AKR1C3: variants seen among roughly 807,000 people sequenced by gnomAD.
AKR1C3 encodes the protein aldo-keto reductase family 1 member C3, also known as 3-alpha hydroxysteroid dehydrogenase, type II.
A neutral mutation model predicts 43.6 loss-of-function variants in AKR1C3; 48 were observed. The ratio of observed to expected loss-of-function variants is 1.10; its 90% CI spans 0.87 to 1.40. The LOEUF is 1.40. Ranked by LOEUF, AKR1C3 falls within the 40% of genes most tolerant of loss-of-function variation. The probability of loss-of-function intolerance (pLI) is 0.00; values close to 1 mark genes in which losing one functional copy is unlikely to be tolerated. For synonymous variants in AKR1C3, 162 were observed against 139.6 expected, an observed-to-expected ratio of 1.16 and a Z score of -1.13; for missense variants, 482 against 391.2, an observed-to-expected ratio of 1.23 and a Z score of -1.96.
At position 5,102,637 on chromosome 10, in the gene AKR1C3, G is replaced by A. The variant is rs549398696; in HGVS notation, c.833G>A (p.Arg278Lys). 5.4e-6 allele frequency: 8 copies of A among 1,476,058 alleles called. No individual in the cohort carries two copies. Among genetic ancestry groups the A allele is most frequent in the Non-Finnish European group, 7.2e-6 (8 of 1,112,490 alleles). The allele number at this position is 1,476,058 out of a possible 1,614,324, so 91.4% of individuals were successfully genotyped here. A position where few individuals can be genotyped will look rare whatever the true frequency, so the allele number is the denominator to read the frequency against. The change falls in exon 7 of 9, where the codon AGA (arginine) becomes AAA (lysine). Residue 278 changes from arginine to lysine, a missense_variant. Physicochemically the swap from Arg to Lys is conservative, Grantham distance 26. Coordinates refer to ENST00000380554, the MANE Select transcript of AKR1C3 (RefSeq NM_003739.6). ...AAGAGCTACAATGAGCAGCGCATCAGACAGAACGTGCAGGTGAGGAGCGGG... is the reference window on the plus strand; with the variant it reads ...AAGAGCTACAATGAGCAGCGCATCAAACAGAACGTGCAGGTGAGGAGCGGG... ...LAKSYNEQRI[R>K]QNVQVFEFQL...
intron 1 of AKR1C3, chr10:5,077,647 A>C (rs965978291): frequency 1.1e-4 from 122 of 1,062,784 alleles, no homozygotes; most frequent in Non-Finnish European, 3.9e-5. Context: ...GTTTTTGCTG[A>C]ACATTCCCCT....
At chr10:5,091,032 T>C (rs1476664237), upstream of AKR1C3, among the ~76,000 whole-genome samples, 1 of 151,222 alleles carries the variant, frequency 6.6e-6, no homozygotes, top group Non-Finnish European at 1.5e-5. Context: ...TTCAATAAAG[T>C]GTAGGATGAG....
In AKR1C3 at chr10:5,102,487, T is replaced by C. The variant is rs782067794; in HGVS notation, c.683T>C (p.Val228Ala). 6.5e-7 allele frequency: 1 copy of C among 1,540,734 alleles called. No individual in the cohort carries two copies. Among genetic ancestry groups the C allele is most frequent in the Admixed American group, 2.1e-5 (1 of 48,200 alleles). ...ALGSQRDKRW[V>A]DPNSPVLLED... The stretch of plus-strand genomic sequence containing the variant: ...AGCCTTTCTGCCTTTCCTTCCAGGG[T>C]GGACCCGAACTCCCCGGTGCTCTTG... Residue 228 changes from valine (V) to alanine (A), a missense_variant and splice_region_variant, in exon 7 of 9, where the codon GTG becomes GCG. By Grantham distance (64) the Val-to-Ala change is moderately conservative. Coordinates refer to ENST00000380554, the MANE Select transcript of AKR1C3 (RefSeq NM_003739.6).
chr10:5,102,398 C>T (rs1354189524), intron 6 of AKR1C3, 87 bp from the exon 7 acceptor site: 2 of 1,521,808 alleles, frequency 1.3e-6, no homozygotes, highest in Non-Finnish European at 1.8e-6. Context: ...AGCTCCGGTG[C>T]AGAGTGGATG....
At chr10:5,087,380 CTTT>C (rs71391988) in intron 1 of AKR1C3, among the ~76,000 whole-genome samples, 40 of 74,778 alleles carry the variant, frequency 5.3e-4, no homozygotes, top group South Asian at 2.8e-3. Context: ...TCATTTCTTT[CTTT>C]TTTTTTTTTT....
At chr10:5,055,747 G>A (rs1838247879) in intron 1 of AKR1C3, among the ~76,000 whole-genome samples, 1 of 152,132 alleles carries the variant, frequency 6.6e-6, no homozygotes. Context: ...CTGCTTTAAG[G>A]TTTTGAAGGC....
intron 3 of AKR1C3, among the ~76,000 whole-genome samples, chr10:5,098,599 A>C (rs1839271053): frequency 6.6e-6 from 1 of 152,206 alleles, no homozygotes; most frequent in African/African-American, 2.4e-5. Context: ...CATGCATATA[A>C]TATTTGTAAG....
intron 1 of AKR1C3, among the ~76,000 whole-genome samples, chr10:5,063,077 A>C (rs782340392): frequency 6.6e-6 from 1 of 152,190 alleles, no homozygotes; most frequent in African/African-American, 2.4e-5. Context: ...AAGATGTCCT[A>C]GTCAATGTGA....
chr10:5,099,772 G>C (rs1420313380), intron 5 of AKR1C3: 1 of 325,770 alleles, frequency 3.1e-6, no homozygotes, highest in Admixed American at 4.2e-5. Flanking sequence ...ACCAGAAAGT[G>C]CATGGGTGAA....
chr10:5,051,256 C>T (rs1359784660), intron 1 of AKR1C3, among the ~76,000 whole-genome samples: 9 of 152,038 alleles, frequency 5.9e-5, no homozygotes, highest in East Asian at 1.9e-4. Context: ...CCACCATACT[C>T]GCCTAATTTT....
At chr10:5,054,612 T>G (rs1838221114) in intron 1 of AKR1C3, among the ~76,000 whole-genome samples, 1 of 152,200 alleles carries the variant, frequency 6.6e-6, no homozygotes, top group African/African-American at 2.4e-5. Flanking sequence ...TCTTTACTAC[T>G]TCCATCTCTC....
intron 8 of AKR1C3, among the ~76,000 whole-genome samples, chr10:5,106,933 T>TGTAGGAAACCAG (rs1564373845): frequency 1.1e-4 from 17 of 152,030 alleles, no homozygotes; most frequent in African/African-American, 4.1e-4. Context: ...AAGGAAACCA[T>TGTAGGAAACCAG]GTAAAAGAAA....
At chr10:5,090,100 A>ATT (rs1554783931), upstream of AKR1C3, among the ~76,000 whole-genome samples, 1 of 152,134 alleles carries the variant, frequency 6.6e-6, no homozygotes, top group East Asian at 1.9e-4. Context: ...AGATGGGTAT[A>ATT]TACTCGATCT....
chr10:5,067,844 T>C (rs9702133), intron 1 of AKR1C3, among the ~76,000 whole-genome samples: 86,067 of 151,900 alleles, frequency 0.57, 25,343 homozygotes, highest in East Asian at 0.79. Context: ...TAATAATAAA[T>C]GCTTTAAGGA....
At chr10:5,104,915 CTAATTGT>C (rs1167010194) in intron 7 of AKR1C3, among the ~76,000 whole-genome samples, 1 of 152,118 alleles carries the variant, frequency 6.6e-6, no homozygotes, top group Non-Finnish European at 1.5e-5. Context: ...TTTACCTAGA[CTAATTGT>C]TAACTTGTTC....
chr10:5,071,311 C>A (rs1278772684), intron 1 of AKR1C3, among the ~76,000 whole-genome samples: 1 of 152,128 alleles, frequency 6.6e-6, no homozygotes, highest in African/African-American at 2.4e-5. Flanking sequence ...AATAAATAAG[C>A]AAGGGAGATC....
chr10:5,105,321 G>C (rs969407630), intron 7 of AKR1C3: 30 of 156,690 alleles, frequency 1.9e-4, no homozygotes, highest in Non-Finnish European at 3.4e-4. Flanking sequence ...CTATCATGTG[G>C]GCACAATGTC....
intron 1 of AKR1C3, chr10:5,080,625 T>TCAAACAAA (rs59461346): frequency 0.011 from 1,678 of 151,820 alleles, 24 homozygotes; most frequent in African/African-American, 0.029. Flanking sequence ...AGACTCCGTC[T>TCAAACAAA]CAAACAAACA....
At chr10:5,055,420 C>A (rs1838239076) in intron 1 of AKR1C3, among the ~76,000 whole-genome samples, 2 of 152,168 alleles carry the variant, frequency 1.3e-5, no homozygotes. Flanking sequence ...TCTAAGTAGG[C>A]AGTTGTCTGA....
Sources: gnomAD v4.1 joint callset for allele counts (sites outside exome capture counted in the v4.1 genomes callset) on GRCh38, gnomAD v4.1.1 for gene constraint, MANE v1.5 for transcripts, NCBI Gene and HGNC (gene_info 2026-07-23, HGNC 2026-07-21) for gene names.